NCKAP5: variants seen among roughly 807,000 people sequenced by gnomAD.
NCKAP5 encodes the protein NCK associated protein 5, also known as nck-associated protein 5.
NCKAP5 carries 92 observed loss-of-function variants against 167.0 expected under a neutral mutation model. The ratio of observed to expected loss-of-function variants is 0.55; its 90% CI spans 0.47 to 0.66. The LOEUF (loss-of-function observed/expected upper bound fraction) is 0.66, where lower values mean the gene tolerates loss of function less well. Among genes scored for constraint, NCKAP5 ranks in the 30% least tolerant of loss-of-function variants. The pLI is 0.00. For synonymous variants in NCKAP5, 891 were observed against 877.4 expected (o/e 1.02, Z -0.27); for missense variants, 2,378 against 2,315.0 (o/e 1.03, Z -0.56).
intron 2 of NCKAP5, among the ~76,000 whole-genome samples, chr2:133,526,879 C>G (rs1174952540): frequency 6.6e-6 from 1 of 151,978 alleles, no homozygotes; most frequent in East Asian, 1.9e-4. Flanking sequence ...TACACATAAC[C>G]CCAGTGGATT....
intron 4 of NCKAP5, among the ~76,000 whole-genome samples, chr2:133,247,744 C>T (rs1181432339): frequency 6.6e-6 from 1 of 152,246 alleles, no homozygotes; most frequent in Non-Finnish European, 1.5e-5. Flanking sequence ...CAAGTGTACA[C>T]TCACTTCCTG....
chr2:133,048,328 G>A (rs1243632676), intron 6 of NCKAP5, among the ~76,000 whole-genome samples: 1 of 152,100 alleles, frequency 6.6e-6, no homozygotes, highest in Non-Finnish European at 1.5e-5. Flanking sequence ...AGAGTTTTGG[G>A]GACAATTAAA....
intron 14 of NCKAP5, among the ~76,000 whole-genome samples, chr2:132,781,589 C>T (rs1475442030): frequency 2.0e-5 from 3 of 152,132 alleles, no homozygotes; most frequent in East Asian, 1.9e-4. Flanking sequence ...TCAACGAAAT[C>T]GGCATGCTTT....
At chr2:132,914,399 GA>G (rs1289639589) in intron 8 of NCKAP5, among the ~76,000 whole-genome samples, 1 of 151,556 alleles carries the variant, frequency 6.6e-6, no homozygotes, top group African/African-American at 2.4e-5. Flanking sequence ...AAAAAATAAT[GA>G]AGTGTAAAAT....
At chr2:133,445,654 G>T (rs569504930) in intron 3 of NCKAP5, among the ~76,000 whole-genome samples, 14 of 152,152 alleles carry the variant, frequency 9.2e-5, no homozygotes, top group Non-Finnish European at 1.9e-4. Context: ...ATTGGAGAGG[G>T]TATAATTAAA....
At chr2:133,050,562 G>A (rs2079566039) in intron 6 of NCKAP5, among the ~76,000 whole-genome samples, 1 of 152,130 alleles carries the variant, frequency 6.6e-6, no homozygotes, top group African/African-American at 2.4e-5. Flanking sequence ...CTTGGGGAAG[G>A]AACAACAACA....
the NCKAP5 span, among the ~76,000 whole-genome samples, chr2:133,586,055 G>A: frequency 7.4e-4 from 112 of 152,272 alleles, no homozygotes; most frequent in African/African-American, 2.6e-3. Flanking sequence ...TAGAGATAAT[G>A]GGCAGATTTG....
At chr2:133,324,493 C>T (rs1358268697) in intron 3 of NCKAP5, among the ~76,000 whole-genome samples, 1 of 152,162 alleles carries the variant, frequency 6.6e-6, no homozygotes, top group Non-Finnish European at 1.5e-5. Flanking sequence ...CTCTCTTTGG[C>T]CTCTGCAGTT....
At chr2:132,742,967 G>T (rs140441031) in intron 16 of NCKAP5, among the ~76,000 whole-genome samples, 1 of 151,828 alleles carries the variant, frequency 6.6e-6, no homozygotes, top group Non-Finnish European at 1.5e-5. Context: ...AATAAAAGAA[G>T]TAATGAAATC....
At chr2:132,715,410 G>A (rs1296023949) in intron 19 of NCKAP5, among the ~76,000 whole-genome samples, 2 of 152,170 alleles carry the variant, frequency 1.3e-5, no homozygotes, top group East Asian at 1.9e-4. Flanking sequence ...ATGTGCTTTC[G>A]AGCCAAATAT....
At chr2:133,087,792 T>G (rs1432514067) in intron 6 of NCKAP5, among the ~76,000 whole-genome samples, 2 of 152,206 alleles carry the variant, frequency 1.3e-5, no homozygotes, top group Non-Finnish European at 2.9e-5. Context: ...AGATGTTTAA[T>G]GTAGATGTTC....
Position 132,765,952 on chromosome 2 carries a change from A to G in NCKAP5, c.5128+7864T>C, listed in dbSNP as rs182569993. The stretch of plus-strand genomic sequence containing the variant: ...CATAAGGGGTGGTTTTTCAACAATC[A>G]TCCTAGACCATGAGGTAACTTCGGG... On this transcript the variant is annotated intron_variant, in intron 16 of 19. Transcript: ENST00000409261. 2.4e-3 allele frequency among the ~76,000 whole-genome samples: 359 copies of G among 152,212 alleles called. 2 individuals carry two copies. The highest frequency in any genetic ancestry group is 7.8e-3 in the African/African-American group (322 of 41,536).
the NCKAP5 span, among the ~76,000 whole-genome samples, chr2:133,605,783 T>C: frequency 6.6e-6 from 1 of 152,190 alleles, no homozygotes; most frequent in Admixed American, 6.5e-5. Flanking sequence ...GTGTTACAAA[T>C]GTATCCCTGC....
chr2:133,114,278 T>G (rs2082005363), intron 6 of NCKAP5, among the ~76,000 whole-genome samples: 1 of 152,222 alleles, frequency 6.6e-6, no homozygotes, highest in African/African-American at 2.4e-5. Context: ...TTTATTTTCA[T>G]AAAACATTAC....
At chr2:133,504,147 A>AG in intron 3 of NCKAP5, among the ~76,000 whole-genome samples, 1 of 152,116 alleles carries the variant, frequency 6.6e-6, no homozygotes, top group South Asian at 2.1e-4. Flanking sequence ...AATTAAATCC[A>AG]ATTTAAAATG....
At chr2:133,668,200 C>A in the NCKAP5 span, among the ~76,000 whole-genome samples, 2 of 151,938 alleles carry the variant, frequency 1.3e-5, no homozygotes, top group African/African-American at 2.4e-5. Context: ...CATTTGGGTT[C>A]TTTCCACTTC....
At chr2:132,847,672 T>G (rs1688764875) in intron 11 of NCKAP5, among the ~76,000 whole-genome samples, 1 of 149,850 alleles carries the variant, frequency 6.7e-6, no homozygotes, top group Non-Finnish European at 1.5e-5. Flanking sequence ...CGTGAACACC[T>G]TCAAGGACAT....
At chr2:132,756,721 G>A (rs933141768) in intron 16 of NCKAP5, among the ~76,000 whole-genome samples, 2 of 152,198 alleles carry the variant, frequency 1.3e-5, no homozygotes, top group Admixed American at 6.5e-5. Context: ...TCAATGGTGA[G>A]GGGAAATGAC....
intron 11 of NCKAP5, among the ~76,000 whole-genome samples, chr2:132,810,066 A>T (rs1298109045): frequency 6.6e-6 from 1 of 152,216 alleles, no homozygotes; most frequent in Non-Finnish European, 1.5e-5. Flanking sequence ...TGTATACAAA[A>T]TTCTTGGCTG....
Sources: gnomAD v4.1 joint callset for allele counts (sites outside exome capture counted in the v4.1 genomes callset) on GRCh38, gnomAD v4.1.1 for gene constraint, MANE v1.5 for transcripts, NCBI Gene and HGNC (gene_info 2026-07-23, HGNC 2026-07-21) for gene names.